ITSN2: variants seen among roughly 807,000 people sequenced by gnomAD.
ITSN2 encodes the protein intersectin-2.
ITSN2 carries 156 observed loss-of-function variants against 243.7 expected under a neutral mutation model. The ratio of observed to expected loss-of-function variants is 0.64; its 90% CI spans 0.56 to 0.73. ITSN2 has a LOEUF of 0.73. Ranked by LOEUF, ITSN2 falls within the 30% of genes least tolerant of loss-of-function variation. The probability of loss-of-function intolerance (pLI) is 0.00; values close to 1 mark genes in which losing one functional copy is unlikely to be tolerated. For missense variants in ITSN2, 1,801 were observed against 1,996.1 expected, an observed-to-expected ratio of 0.90 and a Z score of 1.86; for synonymous variants, 703 against 699.9, an observed-to-expected ratio of 1.00 and a Z score of -0.07.
At chr2:24,216,425 T>G in intron 31 of ITSN2, 193 bp from the exon 32 acceptor site, 1 of 441,780 alleles carries the variant, frequency 2.3e-6, no homozygotes, top group Non-Finnish European at 4.0e-6. Context: ...AACCGGGGTG[T>G]GATGTCAGCA....
At chr2:24,308,202 C>A (rs1682799463) in intron 8 of ITSN2, among the ~76,000 whole-genome samples, 1 of 152,184 alleles carries the variant, frequency 6.6e-6, no homozygotes, top group African/African-American at 2.4e-5. Context: ...AAAGGGTGAG[C>A]AATGCTCACT....
intron 28 of ITSN2, 72 bp downstream of exon 28, chr2:24,246,725 A>G: frequency 1.2e-6 from 1 of 864,352 alleles, no homozygotes; most frequent in African/African-American, 1.7e-5. Flanking sequence ...CCAAAGATTG[A>G]GCTAATCTAA....
intron 18 of ITSN2, among the ~76,000 whole-genome samples, chr2:24,272,152 G>T (rs981065201): frequency 6.6e-6 from 1 of 152,090 alleles, no homozygotes; most frequent in Non-Finnish European, 1.5e-5. Flanking sequence ...TTGATTAGTG[G>T]ATGCACTGGG....
intron 1 of ITSN2, among the ~76,000 whole-genome samples, chr2:24,337,283 A>ATGTGTGTGTG (rs1311793889): frequency 3.5e-5 from 1 of 28,586 alleles, no homozygotes; most frequent in African/African-American, 7.2e-5. Context: ...ATATGTATGT[A>ATGTGTGTGTG]TGTGTGTGTG....
chr2:24,221,281 T>C (rs959335622), intron 29 of ITSN2: 15 of 517,550 alleles, frequency 2.9e-5, no homozygotes, highest in South Asian at 2.5e-4. Flanking sequence ...AAATCAGCAA[T>C]GTCTGTAACA....
chr2:24,307,005 C>T (rs778539904), intron 8 of ITSN2, among the ~76,000 whole-genome samples: 3 of 152,076 alleles, frequency 2.0e-5, no homozygotes, highest in Admixed American at 2.0e-4. Flanking sequence ...GGGGTTTCAC[C>T]ATGTTGGCCA....
chr2:24,264,833 T>A (rs548064720), intron 20 of ITSN2, among the ~76,000 whole-genome samples: 1 of 152,226 alleles, frequency 6.6e-6, no homozygotes, highest in South Asian at 2.1e-4. Context: ...ATAATAAGCC[T>A]TAAATTCAGG....
intron 24 of ITSN2, among the ~76,000 whole-genome samples, chr2:24,253,055 C>T (rs1319438838): frequency 2.6e-5 from 4 of 152,126 alleles, no homozygotes; most frequent in Admixed American, 1.3e-4. Flanking sequence ...TTGGAGTAGA[C>T]GCTCGATAAA....
chr2:24,290,755 T>A lies in ITSN2; in HGVS notation c.1723+2933A>T, dbSNP rs560131390. Reference sequence around the variant, plus strand: ...CCACTGATGTTAAGTGCCAACTTTATCTTATCCTACGTTGCCATACATGCA... The same window carrying A: ...CCACTGATGTTAAGTGCCAACTTTAACTTATCCTACGTTGCCATACATGCA... On this transcript the variant is annotated intron_variant, in intron 15 of 39. Coordinates refer to ENST00000355123, the MANE Select transcript of ITSN2 (RefSeq NM_006277.3). Among the ~76,000 whole-genome samples, 16 of 152,328 alleles carry A rather than the reference T, an allele frequency of 1.1e-4. No individual in the cohort carries two copies. In the South Asian group the frequency reaches 2.5e-3, roughly 24 times the overall value.
chr2:24,209,250 T>G (rs759506392), intron 35 of ITSN2, 29 bp from the exon 36 acceptor site: 3 of 1,612,564 alleles, frequency 1.9e-6, no homozygotes, highest in Non-Finnish European at 2.5e-6. Flanking sequence ...AAACACAGGC[T>G]GTGAGATGGG....
intron 8 of ITSN2, among the ~76,000 whole-genome samples, chr2:24,306,345 C>A (rs1257283978): frequency 6.6e-6 from 1 of 152,128 alleles, no homozygotes; most frequent in Non-Finnish European, 1.5e-5. Flanking sequence ...ATGTTTCCAG[C>A]AACTCAGAAG....
intron 20 of ITSN2, among the ~76,000 whole-genome samples, chr2:24,263,462 G>A (rs897392321): frequency 7.9e-5 from 12 of 152,034 alleles, no homozygotes; most frequent in African/African-American, 2.9e-4. Context: ...TGTTAAATTT[G>A]ATGTTTTGAC....
intron 30 of ITSN2, chr2:24,220,276 A>C: frequency 1.0e-6 from 1 of 969,126 alleles, no homozygotes; most frequent in East Asian, 1.1e-4. Flanking sequence ...TTCTCACCTG[A>C]GGGCCTGTAC....
intron 20 of ITSN2, among the ~76,000 whole-genome samples, chr2:24,268,757 TAA>T (rs34246892): frequency 2.1e-5 from 3 of 142,884 alleles, no homozygotes; most frequent in Admixed American, 7.0e-5. Context: ...CAGCCAACTT[TAA>T]AAAAAAAAAA....
intron 13 of ITSN2, 65 bp from the exon 14 acceptor site, chr2:24,295,869 G>A: frequency 8.5e-7 from 1 of 1,169,702 alleles, no homozygotes. Flanking sequence ...TCTACAAGGA[G>A]AATAATATTT....
intron 23 of ITSN2, among the ~76,000 whole-genome samples, chr2:24,255,327 T>G (rs890531354): frequency 1.3e-5 from 2 of 152,212 alleles, no homozygotes; most frequent in African/African-American, 4.8e-5. Context: ...TGTTATTATA[T>G]TCTTCTAAAT....
At position 24,308,770 on chromosome 2, in the gene ITSN2, T is replaced by C; in HGVS notation, c.654-14A>G. 7.5e-7 allele frequency: 1 copy of C among 1,328,162 alleles called. No homozygotes were observed. The highest frequency in any genetic ancestry group is 9.8e-7 in the Non-Finnish European group (1 of 1,019,616). 82.3% of individuals were successfully genotyped at this position (1,328,162 alleles called of 1,614,324 possible). On this transcript the variant is annotated splice_polypyrimidine_tract_variant and intron_variant, in intron 7 of 39. Coordinates refer to ENST00000355123, the MANE Select transcript of ITSN2 (RefSeq NM_006277.3). ...GAGGAAGTTGAGCTATAAAAAAATT[T>C]ATTTAAAATTTTTATGTTACTAAAT... is the stretch of plus-strand genomic sequence containing the variant.
At chr2:24,289,069 T>G (rs1679910924) in intron 15 of ITSN2, among the ~76,000 whole-genome samples, 1 of 152,218 alleles carries the variant, frequency 6.6e-6, no homozygotes, top group South Asian at 2.1e-4. Context: ...CCAACTTTGT[T>G]TTTCTTTCTC....
At chr2:24,270,918 AT>A (rs1180236281) in intron 19 of ITSN2, 150 bp from the exon 20 acceptor site, 8 of 557,342 alleles carry the variant, frequency 1.4e-5, no homozygotes, top group African/African-American at 1.1e-4. Flanking sequence ...GGATTTCAGT[AT>A]CTTGACTAGT....
Sources: gnomAD v4.1 joint callset for allele counts (sites outside exome capture counted in the v4.1 genomes callset) on GRCh38, gnomAD v4.1.1 for gene constraint, MANE v1.5 for transcripts, NCBI Gene and HGNC (gene_info 2026-07-23, HGNC 2026-07-21) for gene names.